The following LIN7A variants were observed in gnomAD, a reference collection of about 807,000 sequenced individuals.
LIN7A encodes the protein lin-7 cell polarity scaffold A, also known as protein lin-7 homolog A.
A neutral mutation model predicts 29.8 loss-of-function variants in LIN7A; 25 were observed. The observed-to-expected ratio is 0.84, with a 90% CI of 0.61 to 1.17. The LOEUF is 1.17. Among genes scored for constraint, LIN7A ranks in the 50% most tolerant of loss-of-function variants. The pLI is 0.00. For synonymous variants in LIN7A, 118 were observed against 107.5 expected (o/e 1.10, Z -0.60); for missense variants, 239 against 287.0 (o/e 0.83, Z 1.21).
At chr12:80,890,074 G>A (rs963181217) in intron 1 of LIN7A, among the ~76,000 whole-genome samples, 1 of 151,974 alleles carries the variant, frequency 6.6e-6, no homozygotes, top group African/African-American at 2.4e-5. Context: ...ACAGTACTAA[G>A]CAAGAGTTTT....
intron 2 of LIN7A, among the ~76,000 whole-genome samples, chr12:80,869,672 A>C (rs887421774): frequency 1.3e-5 from 2 of 152,212 alleles, no homozygotes; most frequent in African/African-American, 4.8e-5. Context: ...GATGTCCAAA[A>C]ATAGTATAGG....
chr12:80,879,831 T>C (rs938276031), intron 2 of LIN7A, among the ~76,000 whole-genome samples: 1 of 152,114 alleles, frequency 6.6e-6, no homozygotes, highest in Admixed American at 6.5e-5. Context: ...TCCCTATCAG[T>C]CGGAGCAGAG....
chr12:80,912,713 CAAA>C (rs5799498), intron 1 of LIN7A, among the ~76,000 whole-genome samples: 7 of 135,370 alleles, frequency 5.2e-5, no homozygotes, highest in South Asian at 4.7e-4. Context: ...AGACTTGTCT[CAAA>C]AAAAAAAAAA....
chr12:80,856,260 C>T (rs1053309230), intron 2 of LIN7A, among the ~76,000 whole-genome samples: 34 of 152,104 alleles, frequency 2.2e-4, no homozygotes, highest in African/African-American at 8.0e-4. Context: ...CCATCAACTT[C>T]GATGAAAACA....
chr12:80,860,895 C>T (rs1326048226), intron 2 of LIN7A: 1 of 152,216 alleles, frequency 6.6e-6, no homozygotes, highest in Non-Finnish European at 1.5e-5. Context: ...CATCAACTAA[C>T]CTTGAGAGAA....
At chr12:80,926,927 C>CAAAAAAAAAAAA (rs35483715) in intron 1 of LIN7A, among the ~76,000 whole-genome samples, 1 of 55,902 alleles carries the variant, frequency 1.8e-5, no homozygotes, top group Non-Finnish European at 4.0e-5. Flanking sequence ...GACTCCATCT[C>CAAAAAAAAAAAA]AAAAAAAAAA....
intron 4 of LIN7A, among the ~76,000 whole-genome samples, chr12:80,815,517 T>C (rs998475025): frequency 2.6e-5 from 4 of 152,236 alleles, no homozygotes; most frequent in Non-Finnish European, 4.4e-5. Flanking sequence ...TGAAATGTGA[T>C]AGGTTATTTA....
Position 80,909,839 on chromosome 12 carries a change from A to C in LIN7A, c.83-20470T>G, listed in dbSNP as rs1451725939. On this transcript the variant is annotated intron_variant, in intron 1 of 5. Coordinates refer to ENST00000552864, the MANE Select transcript of LIN7A (RefSeq NM_004664.4). ...TCCTCTGCATTTTTGTAAATTTTACATCTAATGACAATTTTTACCAAAAAA... is the reference window on the plus strand; with the variant it reads ...TCCTCTGCATTTTTGTAAATTTTACCTCTAATGACAATTTTTACCAAAAAA... Among the ~76,000 whole-genome samples the C allele has an allele frequency of 1.3e-4, 18 of 143,678 alleles. 1 individual carries two copies. The highest frequency in any genetic ancestry group is 2.0e-4 in the East Asian group (1 of 4,934). 94.3% of individuals were successfully genotyped at this position (143,678 alleles called of 152,430 possible). A position where few individuals can be genotyped will look rare whatever the true frequency, so the allele number is the denominator to read the frequency against.
intron 1 of LIN7A, among the ~76,000 whole-genome samples, chr12:80,929,380 A>C (rs549786353): frequency 1.1e-4 from 16 of 152,288 alleles, no homozygotes; most frequent in Admixed American, 9.2e-4. Context: ...GGGTTGGCCA[A>C]ATTATTTGTT....
chr12:80,871,710 C>T lies in LIN7A; in HGVS notation c.201+17541G>A, dbSNP rs1382914997. On this transcript the variant is annotated intron_variant, in intron 2 of 5. Coordinates refer to ENST00000552864, the MANE Select transcript of LIN7A (RefSeq NM_004664.4). ...TTCATAAATATTTTGCTTGTAAACT[C>T]GTTTTGAATTAAGCATTTATTGTAA... is the stretch of plus-strand genomic sequence containing the variant. Among the ~76,000 whole-genome samples the T allele has an allele frequency of 3.3e-5, 5 of 151,848 alleles. No homozygotes were observed. In the South Asian group the frequency reaches 6.2e-4, roughly 19 times the overall value.
intron 1 of LIN7A, among the ~76,000 whole-genome samples, chr12:80,920,118 C>A (rs1453469835): frequency 1.3e-5 from 2 of 152,144 alleles, no homozygotes; most frequent in Non-Finnish European, 2.9e-5. Context: ...AGTTCACAGA[C>A]CAGTCTCCGT....
At position 80,907,053 on chromosome 12, in the gene LIN7A, C is replaced by CTGTGTGTGTGTGTG. The variant is rs1491359652; in HGVS notation, c.83-17685_83-17684insCACACACACACACA. On this transcript the variant is annotated intron_variant, in intron 1 of 5. Coordinates refer to ENST00000552864, the MANE Select transcript of LIN7A (RefSeq NM_004664.4). ...AATAGAACATACCTCAGAGTGCGTG[C>CTGTGTGTGTGTGTG]TCTGTGTGTGTGTGTGTGTGTGTGT... Among the ~76,000 whole-genome samples the CTGTGTGTGTGTGTG allele has an allele frequency of 1.0e-2, 1,329 of 132,956 alleles. 40 individuals carry two copies. Among genetic ancestry groups the CTGTGTGTGTGTGTG allele is most frequent in the East Asian group, 0.022 (93 of 4,246 alleles). The allele number at this position is 132,956 out of a possible 152,430, so 87.2% of individuals were successfully genotyped here. A position where few individuals can be genotyped will look rare whatever the true frequency, so the allele number is the denominator to read the frequency against.
At chr12:80,805,394 G>T (rs1200601717) in intron 5 of LIN7A, among the ~76,000 whole-genome samples, 1 of 151,960 alleles carries the variant, frequency 6.6e-6, no homozygotes, top group Non-Finnish European at 1.5e-5. Flanking sequence ...GCAAAATAAA[G>T]AAAATGGGGG....
chr12:80,830,521 A>G (rs1872295341), intron 4 of LIN7A, among the ~76,000 whole-genome samples: 1 of 152,138 alleles, frequency 6.6e-6, no homozygotes, highest in African/African-American at 2.4e-5. Flanking sequence ...TGTTGTTACT[A>G]CATTTGGGGG....
chr12:80,852,261 T>TTA (rs1421345932), intron 2 of LIN7A, among the ~76,000 whole-genome samples: 1 of 152,154 alleles, frequency 6.6e-6, no homozygotes, highest in Non-Finnish European at 1.5e-5. Flanking sequence ...AAGCTTCACT[T>TTA]TAATTTATTT....
chr12:80,815,061 C>T (rs1015495458), intron 4 of LIN7A, among the ~76,000 whole-genome samples: 1 of 152,038 alleles, frequency 6.6e-6, no homozygotes, highest in Non-Finnish European at 1.5e-5. Flanking sequence ...TCAAACACTC[C>T]TCAACTTTGC....
chr12:80,907,386 C>T (rs1300230645), intron 1 of LIN7A, among the ~76,000 whole-genome samples: 1 of 152,128 alleles, frequency 6.6e-6, no homozygotes, highest in Non-Finnish European at 1.5e-5. Context: ...TATCTTGATT[C>T]AAATCTTCCT....
intron 4 of LIN7A, among the ~76,000 whole-genome samples, chr12:80,833,698 T>C (rs750267641): frequency 3.3e-5 from 5 of 152,206 alleles, no homozygotes; most frequent in Non-Finnish European, 7.4e-5. Flanking sequence ...TCTTATATGT[T>C]TCTGTAGATG....
intron 1 of LIN7A, among the ~76,000 whole-genome samples, chr12:80,920,413 A>G (rs1877241709): frequency 1.3e-5 from 2 of 152,194 alleles, no homozygotes; most frequent in South Asian, 4.1e-4. Flanking sequence ...TAGATACAAC[A>G]ATAGCACCAA....
Sources: allele counts gnomAD v4.1 joint callset (sites outside exome capture counted in the v4.1 genomes callset), GRCh38; gene constraint gnomAD v4.1.1; transcripts MANE v1.5; gene names NCBI Gene and HGNC (gene_info 2026-07-23, HGNC 2026-07-21).